Variants in PGAP2 observed in about 807,000 individuals in gnomAD.
The protein encoded by PGAP2 is post-GPI attachment to proteins 2, also known as acyltransferase PGAP2.
Under a neutral mutation model 33.2 loss-of-function variants are expected in PGAP2, and 21 were observed. That is an observed-to-expected ratio of 0.63 (90% confidence interval 0.45 to 0.91). PGAP2 has a LOEUF of 0.91. PGAP2 is among the 40% of genes least tolerant of loss of function. PGAP2 has a pLI of 0.00. For missense variants in PGAP2, 345 were observed against 424.0 expected, an observed-to-expected ratio of 0.81 and a Z score of 1.64; for synonymous variants, 161 against 172.9, an observed-to-expected ratio of 0.93 and a Z score of 0.54.
chr11:3,802,865 T>C (rs1392074118), intron 1 of PGAP2, among the ~76,000 whole-genome samples: 1 of 149,062 alleles, frequency 6.7e-6, no homozygotes, highest in East Asian at 2.0e-4. Flanking sequence ...CTGGCTCTTT[T>C]GCCTAGGCTG....
intron 1 of PGAP2, among the ~76,000 whole-genome samples, chr11:3,810,999 A>C (rs2085440027): frequency 6.6e-6 from 1 of 152,226 alleles, no homozygotes; most frequent in African/African-American, 2.4e-5. Context: ...CTCCCAGTCC[A>C]TTCAAGCTTT....
upstream of PGAP2, chr11:3,808,427 G>C: frequency 6.5e-7 from 1 of 1,541,318 alleles, no homozygotes; most frequent in Non-Finnish European, 8.8e-7. Flanking sequence ...TGTAAAGCAT[G>C]GTTTGAGGAC....
At chr11:3,817,895 A>C (rs1297288315) in intron 3 of PGAP2, 1 of 467,944 alleles carries the variant, frequency 2.1e-6, no homozygotes, top group South Asian at 1.6e-5. Context: ...AATGCAAAAA[A>C]ATTAGCTGGG....
rs1276457668 is a variant in PGAP2 at position 3,826,097 on chromosome 11, G to A, written c.*639G>A. 2.0e-5 allele frequency: 3 copies of A among 152,602 alleles called. No homozygotes were observed. The highest frequency in any genetic ancestry group is 4.8e-5 in the African/African-American group (2 of 41,434). 9.5% of individuals were successfully genotyped at this position (152,602 alleles called of 1,614,324 possible). ...GTCAGTGGTTCTGATGTCATCGGGT[G>A]GAGGTGGTGTTCTATACCTAAAGGA... On this transcript the variant is annotated 3_prime_UTR_variant, in exon 7 of 7. Transcript: ENST00000278243.
chr11:3,813,707 A>T (rs964303499), intron 2 of PGAP2, among the ~76,000 whole-genome samples: 1 of 152,154 alleles, frequency 6.6e-6, no homozygotes, highest in Non-Finnish European at 1.5e-5. Flanking sequence ...TGAATAAATG[A>T]TTAAGACTCC....
intron 1 of PGAP2, among the ~76,000 whole-genome samples, chr11:3,799,506 G>A (rs1484799181): frequency 1.3e-5 from 2 of 152,014 alleles, no homozygotes; most frequent in East Asian, 1.9e-4. Flanking sequence ...CTGCCACTGC[G>A]CTCCAGAGTG....
rs141753374 is a variant in PGAP2 at position 3,824,015 on chromosome 11, C to A, written c.481C>A (p.Leu161Ile). ...LVAFAYWNHY[L>I]SCTSPCSCYR... Reference sequence around the variant, plus strand: ...GGCCTTCGCCTACTGGAACCACTACCTCAGCTGCACCTCCCCGTGTTCCTG... The same window carrying A: ...GGCCTTCGCCTACTGGAACCACTACATCAGCTGCACCTCCCCGTGTTCCTG... The change falls in exon 4 of 7, where the codon CTC (leucine) becomes ATC (isoleucine). Residue 161 changes from leucine to isoleucine, a missense_variant. By Grantham distance (5) the Leu-to-Ile change is conservative. Transcript: ENST00000278243. 6.2e-7 allele frequency: 1 copy of A among 1,614,052 alleles called. No homozygotes were observed. The highest frequency in any genetic ancestry group is 1.1e-5 in the South Asian group (1 of 91,084).
At chr11:3,805,788 G>A (rs935061088), upstream of PGAP2, among the ~76,000 whole-genome samples, 2 of 151,830 alleles carry the variant, frequency 1.3e-5, no homozygotes, top group African/African-American at 2.4e-5. Context: ...CCAGGTTCAG[G>A]TGATTCTCCT....
upstream of PGAP2, chr11:3,808,037 C>G: frequency 1.4e-6 from 2 of 1,404,570 alleles, no homozygotes; most frequent in Admixed American, 2.9e-5. Context: ...GGGAACAGCT[C>G]TAGGCCAGAG....
Position 3,825,963 on chromosome 11 carries a change from T to C in PGAP2, c.*505T>C, listed in dbSNP as rs972046404. The stretch of plus-strand genomic sequence containing the variant: ...GTGTTCTAGTCCTGACTTCACCTTT[T>C]TGATTTGGTGTGTGCCCTAGGGTAT... On this transcript the variant is annotated 3_prime_UTR_variant, in exon 7 of 7. Coordinates refer to ENST00000278243, the MANE Select transcript of PGAP2 (RefSeq NM_014489.4). The C allele has an allele frequency of 6.3e-6, 1 of 159,454 alleles. No homozygotes were observed. The highest frequency in any genetic ancestry group is 2.4e-5 in the African/African-American group (1 of 41,496). The allele number at this position is 159,454 out of a possible 1,614,324, so 9.9% of individuals were successfully genotyped here.
intron 3 of PGAP2, among the ~76,000 whole-genome samples, chr11:3,820,242 A>G (rs1014531348): frequency 6.6e-6 from 1 of 152,240 alleles, no homozygotes; most frequent in Non-Finnish European, 1.5e-5. Context: ...CGTCTCTCCC[A>G]TAAGCAGACC....
intron 2 of PGAP2, among the ~76,000 whole-genome samples, chr11:3,812,809 C>T (rs950684033): frequency 1.3e-5 from 2 of 152,140 alleles, no homozygotes; most frequent in African/African-American, 4.8e-5. Context: ...AGTTTCCTCT[C>T]CTCCTGATTT....
chr11:3,823,024 CTTTTTTTTTTTTTTTTT>C (rs746736798), intron 3 of PGAP2: 83 of 307,560 alleles, frequency 2.7e-4, no homozygotes, highest in Non-Finnish European at 3.0e-4. Context: ...TTTTTCTTTT[CTTTTTTTTTTTTTTTTT>C]TTTTTTTTTT....
chr11:3,824,463 G>T, intron 5 of PGAP2, 87 bp downstream of exon 5: 1 of 1,606,566 alleles, frequency 6.2e-7, no homozygotes, highest in Non-Finnish European at 8.5e-7. Context: ...ATGGTGAGGT[G>T]GGAACTGAGT....
upstream of PGAP2, among the ~76,000 whole-genome samples, chr11:3,803,799 T>TATA (rs1564974962): frequency 6.1e-3 from 714 of 116,874 alleles, 9 homozygotes; most frequent in African/African-American, 0.023. Flanking sequence ...ATATATATAT[T>TATA]TTTTTTTTTG....
chr11:3,808,222 C>A (rs954099281), upstream of PGAP2: 28 of 1,522,386 alleles, frequency 1.8e-5, no homozygotes, highest in African/African-American at 3.6e-4. Context: ...AATGGAGGTG[C>A]GAGGCAGGAG....
At chr11:3,823,523 C>T in intron 3 of PGAP2, 1 of 1,417,486 alleles carries the variant, frequency 7.1e-7, no homozygotes, top group Non-Finnish European at 9.6e-7. Flanking sequence ...AATCTGAGGC[C>T]TTGGAACTCA....
chr11:3,801,002 C>G (rs2083364968), intron 1 of PGAP2, among the ~76,000 whole-genome samples: 1 of 151,282 alleles, frequency 6.6e-6, no homozygotes, highest in African/African-American at 2.4e-5. Context: ...GGTGTGGTGG[C>G]TCATGCCTGT....
exon 1 of PGAP2, chr11:3,797,823 C>T: frequency 6.5e-7 from 1 of 1,549,218 alleles, no homozygotes; most frequent in African/African-American, 1.4e-5. Flanking sequence ...TCACACAGGG[C>T]CTCTCGAAGT....
Sources: gnomAD v4.1 joint callset for allele counts (sites outside exome capture counted in the v4.1 genomes callset) on GRCh38, gnomAD v4.1.1 for gene constraint, MANE v1.5 for transcripts, NCBI Gene and HGNC (gene_info 2026-07-23, HGNC 2026-07-21) for gene names.